The following SETBP1 variants were observed in gnomAD, a reference collection of about 807,000 sequenced individuals.
The protein encoded by SETBP1 is SET binding protein 1, also known as SET-binding protein.
In SETBP1, 9 loss-of-function variants were observed where a neutral mutation model predicts 101.0. The ratio of observed to expected loss-of-function variants is 0.09; its 90% CI spans 0.05 to 0.16. The LOEUF (loss-of-function observed/expected upper bound fraction) is 0.16, where lower values mean the gene tolerates loss of function less well. Ranked by LOEUF, SETBP1 falls within the 10% of genes least tolerant of loss-of-function variation. The pLI is 1.00. For missense variants in SETBP1, 1,858 were observed against 2,033.8 expected, an observed-to-expected ratio of 0.91 and a Z score of 1.66; for synonymous variants, 818 against 788.5, an observed-to-expected ratio of 1.04 and a Z score of -0.63.
intron 2 of SETBP1, among the ~76,000 whole-genome samples, chr18:44,868,697 AG>A (rs1316826323): frequency 0.013 from 992 of 74,856 alleles, 58 homozygotes; most frequent in Middle Eastern, 0.021. Context: ...AGAGAGAGAG[AG>A]GACGGAAGGA....
Position 44,952,907 on chromosome 18 carries a change from G to A in SETBP1, c.3567G>A (p.Arg1189=). The A allele has an allele frequency of 6.2e-7, 1 of 1,614,204 alleles. No individual in the cohort carries two copies. The highest frequency in any genetic ancestry group is 1.1e-5 in the South Asian group (1 of 91,082). The change falls in exon 4 of 6, where the codon CGG becomes CGA. Residue 1189 remains arginine (R), a synonymous_variant. Coordinates refer to ENST00000649279, the MANE Select transcript of SETBP1 (RefSeq NM_015559.3). ...TCTCCAGCCACATCCTGAGCGAGCG[G>A]CTGAGTAGCGCAGACAAAGAGCTCC... ...TGFSSHILSE[R]LSSADKELPL...
chr18:44,684,971 C>T (rs1049304509), intron 1 of SETBP1, among the ~76,000 whole-genome samples: 8 of 152,098 alleles, frequency 5.3e-5, no homozygotes, highest in Admixed American at 1.3e-4. Context: ...TTTTAATGGC[C>T]GTTAGCTTAG....
chr18:44,861,240 T>C (rs1389081191), intron 2 of SETBP1, among the ~76,000 whole-genome samples: 4 of 133,024 alleles, frequency 3.0e-5, no homozygotes, highest in South Asian at 2.7e-4. Flanking sequence ...TTTTTTTTTT[T>C]TTTTTTTTTT....
intron 4 of SETBP1, among the ~76,000 whole-genome samples, chr18:45,013,591 C>T (rs1210046665): frequency 1.3e-5 from 2 of 152,152 alleles, no homozygotes; most frequent in African/African-American, 2.4e-5. Context: ...AGGTGCCTGC[C>T]ACCATGCCCG....
At chr18:44,901,390 C>A (rs2070041352) in intron 3 of SETBP1, among the ~76,000 whole-genome samples, 1 of 152,118 alleles carries the variant, frequency 6.6e-6, no homozygotes, top group African/African-American at 2.4e-5. Flanking sequence ...GCTTTTGAAG[C>A]CAAACAGATT....
At chr18:44,823,585 A>G (rs1035815172) in intron 2 of SETBP1, among the ~76,000 whole-genome samples, 29 of 152,194 alleles carry the variant, frequency 1.9e-4, no homozygotes, top group African/African-American at 7.0e-4. Flanking sequence ...ATACCGGGAG[A>G]AAAATATTCT....
intron 5 of SETBP1, among the ~76,000 whole-genome samples, chr18:45,047,540 G>T (rs1390517669): frequency 6.6e-6 from 1 of 152,174 alleles, no homozygotes; most frequent in African/African-American, 2.4e-5. Flanking sequence ...TGAGAAGGGG[G>T]CACTGTGCAT....
chr18:44,796,001 A>G (rs2071468797), intron 2 of SETBP1, among the ~76,000 whole-genome samples: 1 of 152,218 alleles, frequency 6.6e-6, no homozygotes. Context: ...TAATAAACAT[A>G]ACCAGCTCTT....
intron 2 of SETBP1, among the ~76,000 whole-genome samples, chr18:44,713,127 T>G (rs2069382388): frequency 6.6e-6 from 1 of 151,762 alleles, no homozygotes; most frequent in Non-Finnish European, 1.5e-5. Flanking sequence ...CCTGGCTAAT[T>G]TTTGGAATTT....
intron 2 of SETBP1, among the ~76,000 whole-genome samples, chr18:44,810,498 A>T (rs115697113): frequency 5.9e-5 from 9 of 152,336 alleles, no homozygotes; most frequent in African/African-American, 2.2e-4. Flanking sequence ...TCACAGTCAG[A>T]TTCAAGTAAC....
At position 44,949,923 on chromosome 18, in the gene SETBP1, A is replaced by G; in HGVS notation, c.583A>G (p.Thr195Ala). ...PQKHSTLHYD[T>A]GLPQDFTGDT... The stretch of plus-strand genomic sequence containing the variant: ...GAAACATTCAACTCTCCATTATGAC[A>G]CGGGCCTCCCACAGGACTTCACCGG... The change falls in exon 4 of 6, where the codon ACG (threonine) becomes GCG (alanine). Residue 195 changes from threonine to alanine, a missense_variant. Coordinates refer to ENST00000649279, the MANE Select transcript of SETBP1 (RefSeq NM_015559.3). 2 of 1,613,936 alleles carry G rather than the reference A, an allele frequency of 1.2e-6. No homozygotes were observed. Among genetic ancestry groups the G allele is most frequent in the Non-Finnish European group, 1.7e-6 (2 of 1,180,018 alleles).
chr18:44,991,244 CAA>C (rs55811938), intron 4 of SETBP1, among the ~76,000 whole-genome samples: 16,881 of 65,792 alleles, frequency 0.26, 314 homozygotes, highest in East Asian at 0.42. Context: ...CTGCATCTCA[CAA>C]AAAAAAAAAA....
chr18:44,795,766 G>A lies in SETBP1; in HGVS notation c.487-73464G>A, dbSNP rs150881875. On this transcript the variant is annotated intron_variant, in intron 2 of 5. Coordinates refer to ENST00000649279, the MANE Select transcript of SETBP1 (RefSeq NM_015559.3). ...AAAAGCATACATACATACACATGTG[G>A]CCTTGCCTTGTTAAATAGAACTCAG... Among the ~76,000 whole-genome samples the A allele has an allele frequency of 3.2e-4, 49 of 152,166 alleles. 1 individual carries two copies. The highest frequency in any genetic ancestry group is 1.1e-3 in the African/African-American group (47 of 41,518).
At chr18:45,051,855 G>T (rs906019194) in intron 5 of SETBP1, among the ~76,000 whole-genome samples, 5 of 152,114 alleles carry the variant, frequency 3.3e-5, no homozygotes, top group Admixed American at 1.3e-4. Context: ...CACAGTACTT[G>T]GTTCTGAGAG....
intron 2 of SETBP1, among the ~76,000 whole-genome samples, chr18:44,718,634 A>G (rs1460537161): frequency 6.6e-6 from 1 of 152,188 alleles, no homozygotes; most frequent in Non-Finnish European, 1.5e-5. Flanking sequence ...ACTTTATTGC[A>G]TGCCAGGCAG....
intron 3 of SETBP1, among the ~76,000 whole-genome samples, chr18:44,945,960 T>C (rs553313978): frequency 6.6e-6 from 1 of 152,330 alleles, no homozygotes; most frequent in East Asian, 1.9e-4. Flanking sequence ...ATGGAGTAAG[T>C]GCTCAGTTCT....
Position 44,951,026 on chromosome 18 carries a change from T to C in SETBP1, c.1686T>C (p.Tyr562=), listed in dbSNP as rs1022266568. The C allele has an allele frequency of 2.5e-6, 4 of 1,613,982 alleles. No individual in the cohort carries two copies. The highest frequency in any genetic ancestry group is 3.4e-6 in the Non-Finnish European group (4 of 1,180,014). ...TGATGCTGGAGCCCCCGTCTGCATATCCCATCACCCCATCCAGCCCTCTCT... is the reference window on the plus strand; with the variant it reads ...TGATGCTGGAGCCCCCGTCTGCATACCCCATCACCCCATCCAGCCCTCTCT... ...DKLMLEPPSA[Y]PITPSSPLYT... Residue 562 remains tyrosine (Y), a synonymous_variant, in exon 4 of 6, where the codon TAT becomes TAC. Transcript: ENST00000649279. The surrounding 1 kb of genome is among the most constrained non-coding windows in gnomAD (Gnocchi z 7.8).
chr18:44,898,114 G>T (rs1430504771), intron 3 of SETBP1, among the ~76,000 whole-genome samples: 2 of 152,162 alleles, frequency 1.3e-5, no homozygotes, highest in Non-Finnish European at 2.9e-5. Flanking sequence ...CCTTTCCATA[G>T]AGAGATGCCT....
chr18:44,701,632 G>A lies in SETBP1; in HGVS notation c.286G>A (p.Ala96Thr). 1.2e-6 allele frequency: 2 copies of A among 1,614,176 alleles called. No homozygotes were observed. The highest frequency in any genetic ancestry group is 3.3e-5 in the Admixed American group (2 of 60,022). ...AGAGCAGGAATTTTCTATCAAGGAG[G>A]CAAACTTCACAGAGGGAAGTCTGAA... Reference protein sequence around the residue: ...LEEQEFSIKEANFTEGSLKLK... With the variant: ...LEEQEFSIKETNFTEGSLKLK... Residue 96 changes from alanine to threonine, a missense_variant, in exon 2 of 6, where the codon GCA becomes ACA. Ala to Thr is a moderately conservative substitution (Grantham distance 58). Coordinates refer to ENST00000649279, the MANE Select transcript of SETBP1 (RefSeq NM_015559.3).
Sources: gnomAD v4.1 joint callset for allele counts (sites outside exome capture counted in the v4.1 genomes callset) on GRCh38, gnomAD v4.1.1 for gene constraint, Gnocchi (gnomAD v3.1) non-coding constraint, MANE v1.5 for transcripts, NCBI Gene and HGNC (gene_info 2026-07-23, HGNC 2026-07-21) for gene names.